The following PIWIL4 variants were observed in gnomAD, a reference collection of about 807,000 sequenced individuals.
PIWIL4 encodes piwi like RNA-mediated gene silencing 4.
Under a neutral mutation model 100.9 loss-of-function variants are expected in PIWIL4, and 50 were observed. The ratio of observed to expected loss-of-function variants is 0.50; its 90% CI spans 0.39 to 0.63. The LOEUF (loss-of-function observed/expected upper bound fraction) is 0.63, where lower values mean the gene tolerates loss of function less well. Ranked by LOEUF, PIWIL4 falls within the 20% of genes least tolerant of loss-of-function variation. The pLI is 0.00. For synonymous variants in PIWIL4, 342 were observed against 367.5 expected (o/e 0.93, Z 0.79); for missense variants, 887 against 1,043.3 (o/e 0.85, Z 2.06).
At chr11:94,608,802 A>G in intron 15 of PIWIL4, 116 bp downstream of exon 15, 1 of 847,386 alleles carries the variant, frequency 1.2e-6, no homozygotes, top group Non-Finnish European at 1.9e-6. Context: ...TTAAACACCA[A>G]CATTTAGGTT....
At chr11:94,606,755 C>T (rs985861399) in intron 13 of PIWIL4, among the ~76,000 whole-genome samples, 1 of 151,790 alleles carries the variant, frequency 6.6e-6, no homozygotes, top group Non-Finnish European at 1.5e-5. Flanking sequence ...AATCGCTTGA[C>T]CCCAGGAAGT....
chr11:94,591,140 C>T (rs1227517818), intron 8 of PIWIL4, among the ~76,000 whole-genome samples: 2 of 152,208 alleles, frequency 1.3e-5, no homozygotes, highest in Admixed American at 1.3e-4. Flanking sequence ...CTATCCTCTG[C>T]TTCTTCCTCT....
intron 1 of PIWIL4, among the ~76,000 whole-genome samples, chr11:94,568,039 A>G (rs551075194): frequency 2.9e-4 from 44 of 152,010 alleles, no homozygotes; most frequent in Non-Finnish European, 8.8e-5. Context: ...AGCAACCACT[A>G]TAGAGAAAGC....
chr11:94,568,856 A>T, intron 2 of PIWIL4, 48 bp downstream of exon 2: 1 of 1,492,292 alleles, frequency 6.7e-7, no homozygotes, highest in Non-Finnish European at 9.3e-7. Context: ...ACCTGAATGG[A>T]GCAAGAGGAG....
chr11:94,579,235 TTA>T (rs1268750598), intron 4 of PIWIL4, among the ~76,000 whole-genome samples: 1 of 152,218 alleles, frequency 6.6e-6, no homozygotes, highest in Non-Finnish European at 1.5e-5. Context: ...TCATAAGAAA[TTA>T]TGAGTTATTT....
intron 10 of PIWIL4, among the ~76,000 whole-genome samples, chr11:94,596,374 A>C (rs1051155585): frequency 1.3e-5 from 2 of 152,102 alleles, no homozygotes; most frequent in Non-Finnish European, 2.9e-5. Context: ...GTAAATATTT[A>C]ACAAATGAGT....
At position 94,567,563 on chromosome 11, in the gene PIWIL4, C is replaced by G; in HGVS notation, c.45C>G (p.Ser15Arg). 6.2e-7 allele frequency: 1 copy of G among 1,607,166 alleles called. No homozygotes were observed. The highest frequency in any genetic ancestry group is 8.5e-7 in the Non-Finnish European group (1 of 1,177,020). The change falls in exon 1 of 20, where the codon AGC becomes AGG. Residue 15 changes from serine to arginine, a missense_variant. Transcript: ENST00000299001. Reference protein sequence around the residue: ...ARVKARGIARSPSATEVGRIQ... With the variant: ...ARVKARGIARRPSATEVGRIQ... The stretch of plus-strand genomic sequence containing the variant: ...TGAAGGCCAGAGGCATCGCCCGCAG[C>G]CCCAGTGCCACAGAAGTGGGGCGCA...
intron 5 of PIWIL4, among the ~76,000 whole-genome samples, chr11:94,583,983 G>A (rs1375119065): frequency 6.6e-6 from 1 of 152,166 alleles, no homozygotes; most frequent in Non-Finnish European, 1.5e-5. Flanking sequence ...ATCACTGTCT[G>A]CTTTCTGCCC....
At position 94,587,215 on chromosome 11, in the gene PIWIL4, G is replaced by T. The variant is rs1297710730; in HGVS notation, c.882G>T (p.Glu294Asp). Reference protein sequence around the residue: ...TGLSCFTQTCEKQLIGLIVLT... With the variant: ...TGLSCFTQTCDKQLIGLIVLT... ...TGTCCTGTTTCACCCAGACGTGTGA[G>T]AAGCAGCTAATAGGGCTCATTGTCC... The change falls in exon 7 of 20, where the codon GAG becomes GAT. Residue 294 changes from glutamate to aspartate, a missense_variant. Coordinates refer to ENST00000299001, the MANE Select transcript of PIWIL4 (RefSeq NM_152431.3). 6.2e-7 allele frequency: 1 copy of T among 1,614,172 alleles called. No individual in the cohort carries two copies. The highest frequency in any genetic ancestry group is 8.5e-7 in the Non-Finnish European group (1 of 1,180,016).
intron 5 of PIWIL4, 103 bp from the exon 6 acceptor site, chr11:94,585,342 A>C: frequency 1.3e-6 from 1 of 750,358 alleles, no homozygotes. Context: ...AGAGGTCTGT[A>C]TTTCCTATAT....
At chr11:94,593,224 A>G (rs950343470) in intron 8 of PIWIL4, among the ~76,000 whole-genome samples, 2 of 152,210 alleles carry the variant, frequency 1.3e-5, no homozygotes, top group African/African-American at 4.8e-5. Context: ...CAGTGATGTC[A>G]TTGAACTATG....
chr11:94,609,941 A>C (rs1384518294), intron 15 of PIWIL4, among the ~76,000 whole-genome samples: 1 of 152,024 alleles, frequency 6.6e-6, no homozygotes, highest in Non-Finnish European at 1.5e-5. Flanking sequence ...ACAATAGTAC[A>C]TGATAATTAA....
rs572397874 is a variant in PIWIL4 at position 94,577,555 on chromosome 11, A to T, written c.513+63A>T. 2.2e-3 allele frequency: 2,864 copies of T among 1,276,306 alleles called. 67 individuals carry two copies. In the South Asian group the frequency reaches 0.039, roughly 17 times the overall value. 79.1% of individuals were successfully genotyped at this position (1,276,306 alleles called of 1,614,324 possible). Reference sequence around the variant, plus strand: ...GTGTGTTTATTATATGTGTATACACACACACATATATATGCATATGCAAGG... The same window carrying T: ...GTGTGTTTATTATATGTGTATACACTCACACATATATATGCATATGCAAGG... On this transcript the variant is annotated intron_variant, in intron 4 of 19. Coordinates refer to ENST00000299001, the MANE Select transcript of PIWIL4 (RefSeq NM_152431.3).
In PIWIL4 at chr11:94,595,368, C is replaced by CGTCT. The variant is rs1565277215; in HGVS notation, c.1211_1214dup (p.Pro407GlnfsTer25). 1 of 1,614,022 alleles carries CGTCT rather than the reference C, an allele frequency of 6.2e-7. No individual in the cohort carries two copies. The highest frequency in any genetic ancestry group is 1.1e-5 in the South Asian group (1 of 91,088). On this transcript the variant is annotated frameshift_variant, in exon 10 of 20. Transcript: ENST00000299001. LOFTEE classifies it high-confidence loss of function. ...GATGAAGGCTGTGGCTGAAAAGACA[C>CGTCT]GTCTCAGTCCTTCAGGCCGGCAGCA...
chr11:94,617,129 C>T (rs1948855875), intron 16 of PIWIL4, among the ~76,000 whole-genome samples: 1 of 151,998 alleles, frequency 6.6e-6, no homozygotes, highest in African/African-American at 2.4e-5. Flanking sequence ...CTGCATTTTC[C>T]CATCTGTAAA....
rs1948900074 is a variant in PIWIL4, at chr11:94,621,086, GAA to G, written c.*98_*99del. Reference sequence around the variant, plus strand: ...CCATAAGCTCAAGGCTGTGACTGGGGAAAAAGATTGAGCTTAGTTTTCATGTC... The same window carrying G: ...CCATAAGCTCAAGGCTGTGACTGGGGAAAGATTGAGCTTAGTTTTCATGTC... On this transcript the variant is annotated 3_prime_UTR_variant, in exon 20 of 20. Transcript: ENST00000299001. The G allele has an allele frequency of 7.6e-6, 6 of 793,408 alleles. No homozygotes were observed. In the South Asian group the frequency reaches 1.0e-4, roughly 14 times the overall value. 49.1% of individuals were successfully genotyped at this position (793,408 alleles called of 1,614,324 possible). A position where few individuals can be genotyped will look rare whatever the true frequency, so the allele number is the denominator to read the frequency against.
In PIWIL4 at chr11:94,595,341, C is replaced by T; in HGVS notation, c.1183C>T (p.Leu395=). 3 of 1,613,994 alleles carry T rather than the reference C, an allele frequency of 1.9e-6. No homozygotes were observed. Among genetic ancestry groups the T allele is most frequent in the East Asian group, 2.2e-5 (1 of 44,882 alleles). ...TGACCAGGCAACATCTGATTTCCAG[C>T]TGATGAAGGCTGTGGCTGAAAAGAC... ...LTDQATSDFQ[L]MKAVAEKTRL... Residue 395 remains leucine, a synonymous_variant, in exon 10 of 20, where the codon CTG becomes TTG. Coordinates refer to ENST00000299001, the MANE Select transcript of PIWIL4 (RefSeq NM_152431.3).
chr11:94,606,499 C>T (rs567001852), intron 13 of PIWIL4, among the ~76,000 whole-genome samples: 57 of 152,028 alleles, frequency 3.7e-4, no homozygotes, highest in Non-Finnish European at 6.6e-4. Flanking sequence ...GAGAAGGAGG[C>T]GGAGGTAGGC....
chr11:94,573,674 G>A (rs990305743), intron 2 of PIWIL4, among the ~76,000 whole-genome samples: 13 of 151,962 alleles, frequency 8.6e-5, no homozygotes, highest in African/African-American at 2.2e-4. Flanking sequence ...TTTGATATGC[G>A]CACATTGTTA....
Sources: gnomAD v4.1 joint callset for allele counts (sites outside exome capture counted in the v4.1 genomes callset) on GRCh38, gnomAD v4.1.1 for gene constraint, MANE v1.5 for transcripts, NCBI Gene and HGNC (gene_info 2026-07-23, HGNC 2026-07-21) for gene names.